NCKAP5: variants seen among roughly 807,000 people sequenced by gnomAD.
NCKAP5 encodes the protein nck-associated protein 5.
NCKAP5 carries 92 observed loss-of-function variants against 167.0 expected under a neutral mutation model. That is an observed-to-expected ratio of 0.55 (90% CI 0.47 to 0.66). The LOEUF is 0.66. NCKAP5 is among the 30% of genes least tolerant of loss of function. NCKAP5 has a pLI of 0.00. For missense variants in NCKAP5, 2,378 were observed against 2,315.0 expected (o/e 1.03, Z -0.56); for synonymous variants, 891 against 877.4 (o/e 1.02, Z -0.27).
chr2:133,375,461 A>G lies in NCKAP5; in HGVS notation c.70-72351T>C, dbSNP rs118037712. Among the ~76,000 whole-genome samples, 8 of 152,366 alleles carry G rather than the reference A, an allele frequency of 5.3e-5. 1 individual carries two copies. The East Asian group carries it at 1.3e-3, about 26-fold the overall frequency. ...AAACTTTTATTTTAAGTTCATGGGTACATGTGAAGGATGTATAGGTTTGTT... is the reference window on the plus strand; with the variant it reads ...AAACTTTTATTTTAAGTTCATGGGTGCATGTGAAGGATGTATAGGTTTGTT... On this transcript the variant is annotated intron_variant, in intron 3 of 19. Coordinates refer to ENST00000409261, the MANE Select transcript of NCKAP5 (RefSeq NM_207363.3).
chr2:133,510,490 A>T (rs181483001), intron 3 of NCKAP5, among the ~76,000 whole-genome samples: 5 of 152,326 alleles, frequency 3.3e-5, no homozygotes, highest in Admixed American at 2.6e-4. Context: ...AGATCAGAAA[A>T]TAGACCTAGA....
At chr2:133,106,229 C>T (rs1289220402) in intron 6 of NCKAP5, among the ~76,000 whole-genome samples, 1 of 138,332 alleles carries the variant, frequency 7.2e-6, no homozygotes. Flanking sequence ...GGAGGTGGAG[C>T]TTGCAGTGAG....
chr2:133,031,214 A>G (rs1000686861), intron 6 of NCKAP5, among the ~76,000 whole-genome samples: 7 of 152,150 alleles, frequency 4.6e-5, no homozygotes, highest in Non-Finnish European at 1.0e-4. Flanking sequence ...TTTTTTAAAA[A>G]TCCTGAATCA....
At chr2:132,746,189 A>C (rs373338136) in intron 16 of NCKAP5, among the ~76,000 whole-genome samples, 1 of 152,098 alleles carries the variant, frequency 6.6e-6, no homozygotes, top group African/African-American at 2.4e-5. Flanking sequence ...AGAGTGTGGT[A>C]TTGGGTAAGG....
intron 16 of NCKAP5, among the ~76,000 whole-genome samples, chr2:132,744,304 C>T (rs1679455920): frequency 6.6e-6 from 1 of 151,572 alleles, no homozygotes; most frequent in African/African-American, 2.4e-5. Flanking sequence ...AATTTAAAAT[C>T]ACCGAAGCCA....
rs566887385 is a variant in NCKAP5, at chr2:133,491,569, A to G, written c.69+25889T>C. Among the ~76,000 whole-genome samples, 41 of 152,332 alleles carry G rather than the reference A, an allele frequency of 2.7e-4. 1 individual carries two copies. Among genetic ancestry groups the G allele is most frequent in the African/African-American group, 9.6e-4 (40 of 41,580 alleles). On this transcript the variant is annotated intron_variant, in intron 3 of 19. Coordinates refer to ENST00000409261, the MANE Select transcript of NCKAP5 (RefSeq NM_207363.3). The stretch of plus-strand genomic sequence containing the variant: ...ATCTAAAATTCAAAACACCATCTCT[A>G]TTCTTCTGATATTCTATATGTTAAC...
chr2:132,767,964 C>G (rs1681664539), intron 16 of NCKAP5, among the ~76,000 whole-genome samples: 1 of 152,190 alleles, frequency 6.6e-6, no homozygotes, highest in African/African-American at 2.4e-5. Context: ...AGGGTTAGAC[C>G]ATGTCCTCTG....
chr2:133,106,545 G>T (rs1312866710), intron 6 of NCKAP5, among the ~76,000 whole-genome samples: 1 of 152,148 alleles, frequency 6.6e-6, no homozygotes, highest in East Asian at 1.9e-4. Flanking sequence ...TCTCATTCAT[G>T]CAGATCCCGA....
intron 11 of NCKAP5, among the ~76,000 whole-genome samples, chr2:132,810,432 C>CATAAT (rs1476892172): frequency 6.6e-6 from 1 of 152,204 alleles, no homozygotes; most frequent in Non-Finnish European, 1.5e-5. Flanking sequence ...GGTTGTTTAA[C>CATAAT]ATAATCCCAG....
chr2:132,893,174 G>A (rs1456964521), intron 8 of NCKAP5, among the ~76,000 whole-genome samples: 2 of 152,208 alleles, frequency 1.3e-5, no homozygotes, highest in East Asian at 3.9e-4. Context: ...TGGTAAGAAT[G>A]TGGAAGAACA....
At chr2:132,778,902 G>C (rs1682779830) in intron 15 of NCKAP5, among the ~76,000 whole-genome samples, 1 of 152,146 alleles carries the variant, frequency 6.6e-6, no homozygotes, top group Non-Finnish European at 1.5e-5. Context: ...AACGTCCTTT[G>C]TGAAATTAGT....
At chr2:132,797,609 C>A (rs759916729) in intron 11 of NCKAP5, among the ~76,000 whole-genome samples, 5 of 152,184 alleles carry the variant, frequency 3.3e-5, no homozygotes, top group Non-Finnish European at 5.9e-5. Flanking sequence ...TGCAGCTAAG[C>A]GTGCCTCTCT....
rs763895019 is a variant in NCKAP5 at position 132,783,801 on chromosome 2, T to C, written c.3010A>G (p.Ile1004Val). The C allele has an allele frequency of 5.2e-6, 8 of 1,541,376 alleles. No homozygotes were observed. The highest frequency in any genetic ancestry group is 2.6e-5 in the South Asian group (2 of 78,368). The change falls in exon 14 of 20, where the codon ATC becomes GTC. Residue 1004 changes from isoleucine to valine, a missense_variant. Transcript: ENST00000409261. ...KKPSVAFKKP[I>V]FTHPMPSPEA... ...GGGGAGGGCATAGGGTGAGTGAAGA[T>C]AGGCTTTTTGAAGGCCACAGAAGGT...
In NCKAP5 at chr2:132,847,566, G is replaced by C. The variant is rs148278366; in HGVS notation, c.807+12926C>G. 7.6e-3 allele frequency among the ~76,000 whole-genome samples: 1,159 copies of C among 152,268 alleles called. 14 individuals carry two copies. The highest frequency in any genetic ancestry group is 0.027 in the African/African-American group (1,108 of 41,538). On this transcript the variant is annotated intron_variant, in intron 11 of 19. Transcript: ENST00000409261. ...CATCGCTTTTGGCAATGCTGCATTA[G>C]TACGCCAAATCCCAGGATAATATTT...
At chr2:133,402,201 T>C (rs1688147208) in intron 3 of NCKAP5, among the ~76,000 whole-genome samples, 1 of 152,086 alleles carries the variant, frequency 6.6e-6, no homozygotes, top group Non-Finnish European at 1.5e-5. Flanking sequence ...ACTCGGTGTA[T>C]AGTTTTAGTG....
chr2:133,264,991 A>T (rs2089118145), intron 4 of NCKAP5: 1 of 152,228 alleles, frequency 6.6e-6, no homozygotes, highest in Non-Finnish European at 1.5e-5. Context: ...CTGTGTCTTT[A>T]AAGTGGTGGA....
chr2:132,846,346 T>C (rs936673345), intron 11 of NCKAP5, among the ~76,000 whole-genome samples: 109 of 152,082 alleles, frequency 7.2e-4, no homozygotes, highest in Non-Finnish European at 2.1e-4. Context: ...TGAGATACAG[T>C]CTCACTCTGT....
At chr2:132,778,894 C>T (rs548777246) in intron 15 of NCKAP5, among the ~76,000 whole-genome samples, 14 of 152,256 alleles carry the variant, frequency 9.2e-5, no homozygotes, top group Admixed American at 2.0e-4. Context: ...TCTATAGCAA[C>T]GTCCTTTGTG....
chr2:133,328,466 G>A (rs1469429362), intron 3 of NCKAP5, among the ~76,000 whole-genome samples: 1 of 152,210 alleles, frequency 6.6e-6, no homozygotes, highest in African/African-American at 2.4e-5. Context: ...CTCAACTACA[G>A]AGGCAGAAGG....
Sources: gnomAD v4.1 joint callset for allele counts (sites outside exome capture counted in the v4.1 genomes callset) on GRCh38, gnomAD v4.1.1 for gene constraint, MANE v1.5 for transcripts, NCBI Gene and HGNC (gene_info 2026-07-23, HGNC 2026-07-21) for gene names.